The following PPME1 variants were observed in gnomAD, a reference collection of about 807,000 sequenced individuals.
PPME1 encodes testicular secretory protein Li 39.
PPME1 carries 17 observed loss-of-function variants against 56.9 expected under a neutral mutation model. The ratio of observed to expected loss-of-function variants is 0.30; its 90% CI spans 0.20 to 0.45. The LOEUF is 0.45. Among genes scored for constraint, PPME1 ranks in the 20% least tolerant of loss-of-function variants. The pLI, the probability that PPME1 is intolerant of heterozygous loss-of-function variation, is 1.00. For synonymous variants in PPME1, 122 were observed against 156.2 expected (o/e 0.78, Z 1.63); for missense variants, 357 against 483.2 (o/e 0.74, Z 2.45).
chr11:74,200,689 T>C (rs1858138733), intron 1 of PPME1, among the ~76,000 whole-genome samples: 1 of 151,626 alleles, frequency 6.6e-6, no homozygotes, highest in Admixed American at 6.6e-5. Flanking sequence ...GGCCCAATTA[T>C]GTGTTTAAAA....
rs374177516 is a variant in PPME1, at chr11:74,251,971, T to C, written c.1142+256T>C. 9 of 680,514 alleles carry C rather than the reference T, an allele frequency of 1.3e-5. No homozygotes were observed. In the African/African-American group the frequency reaches 1.6e-4, roughly 12 times the overall value. The allele number at this position is 680,514 out of a possible 1,614,324, so 42.2% of individuals were successfully genotyped here. ...CCTAGTCTCACTCCCCACTGTGATG[T>C]GCATTTCTTCTTGAGGTGCCCCTTT... On this transcript the variant is annotated intron_variant, in intron 13 of 13. Coordinates refer to ENST00000328257, the MANE Select transcript of PPME1 (RefSeq NM_016147.3).
At chr11:74,193,984 G>T (rs1857912742) in intron 1 of PPME1, among the ~76,000 whole-genome samples, 1 of 151,978 alleles carries the variant, frequency 6.6e-6, no homozygotes, top group Non-Finnish European at 1.5e-5. Context: ...CTAGAATGAA[G>T]ATTGATTCTT....
At chr11:74,226,537 A>G (rs1170336960) in intron 5 of PPME1, among the ~76,000 whole-genome samples, 1 of 152,214 alleles carries the variant, frequency 6.6e-6, no homozygotes, top group Non-Finnish European at 1.5e-5. Context: ...CAAACAGTCA[A>G]GGCTGTTAGT....
intron 3 of PPME1, among the ~76,000 whole-genome samples, chr11:74,217,312 C>T (rs577042177): frequency 3.9e-5 from 6 of 152,052 alleles, no homozygotes; most frequent in South Asian, 4.2e-4. Flanking sequence ...GAGGCTGAGG[C>T]GGGTGGATCA....
intron 1 of PPME1, among the ~76,000 whole-genome samples, chr11:74,197,279 T>C (rs1330049737): frequency 2.6e-5 from 4 of 152,224 alleles, no homozygotes; most frequent in Non-Finnish European, 5.9e-5. Flanking sequence ...ATTAATTCAC[T>C]TCAGACTGTC....
At chr11:74,180,710 C>T (rs1857509192) in intron 1 of PPME1, among the ~76,000 whole-genome samples, 1 of 152,250 alleles carries the variant, frequency 6.6e-6, no homozygotes, top group Non-Finnish European at 1.5e-5. Context: ...TTATGTCTTC[C>T]TCTTTGATTC....
intron 2 of PPME1, among the ~76,000 whole-genome samples, 170 bp from the exon 3 acceptor site, chr11:74,204,183 A>G (rs533779004): frequency 1.3e-5 from 2 of 151,776 alleles, no homozygotes; most frequent in Non-Finnish European, 2.9e-5. Flanking sequence ...ATGGTCACAC[A>G]GGCTTCATGC....
chr11:74,190,223 C>T (rs1024160094), intron 1 of PPME1, among the ~76,000 whole-genome samples: 2 of 152,190 alleles, frequency 1.3e-5, no homozygotes, highest in East Asian at 3.8e-4. Context: ...TGTTTGTCCC[C>T]TCCAAATCTT....
intron 8 of PPME1, chr11:74,237,764 T>C (rs1652619457): frequency 2.0e-5 from 3 of 152,138 alleles, no homozygotes; most frequent in Admixed American, 2.0e-4. Context: ...ATAGCTGAGA[T>C]TCAAACTCCT....
chr11:74,218,560 C>A (rs1565387457), intron 3 of PPME1, among the ~76,000 whole-genome samples: 1 of 152,102 alleles, frequency 6.6e-6, no homozygotes. Context: ...GACACATAGA[C>A]CAATGGAACA....
intron 3 of PPME1, among the ~76,000 whole-genome samples, chr11:74,220,308 G>A (rs1417948609): frequency 6.9e-6 from 1 of 145,342 alleles, no homozygotes; most frequent in East Asian, 1.9e-4. Context: ...TTACTACCCA[G>A]TTCTTCCAAT....
intron 8 of PPME1, among the ~76,000 whole-genome samples, chr11:74,237,498 A>G (rs1179984018): frequency 6.6e-6 from 1 of 151,654 alleles, no homozygotes; most frequent in African/African-American, 2.4e-5. Context: ...GATGGTCTCT[A>G]TCTCCTGACC....
At chr11:74,186,138 T>C (rs956351946) in intron 1 of PPME1, among the ~76,000 whole-genome samples, 1 of 152,198 alleles carries the variant, frequency 6.6e-6, no homozygotes, top group African/African-American at 2.4e-5. Flanking sequence ...TAGAACTCTT[T>C]AAGAAGGCCT....
At chr11:74,250,914 T>G in intron 11 of PPME1, 40 bp from the exon 12 acceptor site, 1 of 1,528,238 alleles carries the variant, frequency 6.5e-7, no homozygotes. Flanking sequence ...GAGAGGGCTC[T>G]TTTAGTCGCT....
chr11:74,218,321 C>T (rs564985527), intron 3 of PPME1, among the ~76,000 whole-genome samples: 6 of 152,108 alleles, frequency 3.9e-5, no homozygotes, highest in East Asian at 1.9e-4. Context: ...TTAAAGTGTC[C>T]GTAGCACCCA....
Position 74,239,122 on chromosome 11 carries a change from A to T in PPME1, c.711-11A>T. 1 of 1,606,970 alleles carries T rather than the reference A, an allele frequency of 6.2e-7. No individual in the cohort carries two copies. The highest frequency in any genetic ancestry group is 8.5e-7 in the Non-Finnish European group (1 of 1,177,802). ...AGAGGTGTGTAATAGCACTTTTTTA[A>T]AAAAACCTAGGTGTGAAGGAATTAC... On this transcript the variant is annotated splice_polypyrimidine_tract_variant and intron_variant, in intron 8 of 13. Transcript: ENST00000328257.
chr11:74,224,895 G>A (rs560074482), intron 4 of PPME1, among the ~76,000 whole-genome samples: 67 of 150,922 alleles, frequency 4.4e-4, no homozygotes, highest in African/African-American at 1.6e-3. Flanking sequence ...TGCAAACAGG[G>A]ACAATTTGAC....
chr11:74,213,081 C>A (rs1858524780), intron 3 of PPME1, among the ~76,000 whole-genome samples: 1 of 152,172 alleles, frequency 6.6e-6, no homozygotes, highest in South Asian at 2.1e-4. Flanking sequence ...ATTTCTGGAC[C>A]TACCCTGGGC....
intron 9 of PPME1, 26 bp from the exon 10 acceptor site, chr11:74,246,050 C>G: frequency 6.4e-7 from 1 of 1,570,428 alleles, no homozygotes; most frequent in Admixed American, 1.9e-5. Flanking sequence ...CCCTCGGAGA[C>G]TCAGAACTTG....
Sources: gnomAD v4.1 joint callset for allele counts (sites outside exome capture counted in the v4.1 genomes callset) on GRCh38, gnomAD v4.1.1 for gene constraint, MANE v1.5 for transcripts, NCBI Gene and HGNC (gene_info 2026-07-23, HGNC 2026-07-21) for gene names.